The following PPA2 variants were observed in gnomAD, a reference collection of about 807,000 sequenced individuals.
PPA2 encodes the protein inorganic pyrophosphatase 2.
In PPA2, 48 loss-of-function variants were observed where a neutral mutation model predicts 49.5. That is an observed-to-expected ratio of 0.97 (90% CI 0.77 to 1.23). The LOEUF is 1.23. Ranked by LOEUF, PPA2 falls within the 50% of genes most tolerant of loss-of-function variation. The pLI is 0.00. For missense variants in PPA2, 429 were observed against 410.1 expected, an observed-to-expected ratio of 1.05 and a Z score of -0.40; for synonymous variants, 131 against 139.9, an observed-to-expected ratio of 0.94 and a Z score of 0.45.
chr4:105,386,166 C>G (rs2110375289), intron 10 of PPA2, among the ~76,000 whole-genome samples: 1 of 152,236 alleles, frequency 6.6e-6, no homozygotes, highest in South Asian at 2.1e-4. Context: ...CGGGAAGGAG[C>G]TCCCATGCTG....
chr4:105,451,816 T>C (rs560986178), intron 3 of PPA2, among the ~76,000 whole-genome samples: 1 of 152,348 alleles, frequency 6.6e-6, no homozygotes, highest in Non-Finnish European at 1.5e-5. Flanking sequence ...TCGTAATCAC[T>C]AAGAGCTTAT....
intron 3 of PPA2, among the ~76,000 whole-genome samples, chr4:105,451,091 A>G (rs561196179): frequency 1.3e-5 from 2 of 152,304 alleles, no homozygotes; most frequent in African/African-American, 4.8e-5. Context: ...ATTAAAAAAA[A>G]GAAAGTTTCC....
intron 6 of PPA2, among the ~76,000 whole-genome samples, chr4:105,436,338 C>T (rs959699672): frequency 1.3e-5 from 2 of 152,052 alleles, no homozygotes; most frequent in African/African-American, 2.4e-5. Flanking sequence ...GAGGGAAAAA[C>T]ATCCCATGCT....
At chr4:105,425,768 C>T (rs1723477531) in intron 6 of PPA2, among the ~76,000 whole-genome samples, 1 of 143,138 alleles carries the variant, frequency 7.0e-6, no homozygotes. Context: ...ACACACCCAT[C>T]AGAATAAACA....
chr4:105,464,412 C>G (rs937706529), intron 1 of PPA2, among the ~76,000 whole-genome samples: 6 of 152,178 alleles, frequency 3.9e-5, no homozygotes, highest in African/African-American at 1.4e-4. Context: ...GTAGAAGGGA[C>G]TTGCCTTGTC....
At chr4:105,442,732 A>G (rs1054578506) in intron 5 of PPA2, among the ~76,000 whole-genome samples, 2 of 152,234 alleles carry the variant, frequency 1.3e-5, no homozygotes, top group African/African-American at 2.4e-5. Context: ...AGGTCTGAAT[A>G]ATGATGGTAT....
At chr4:105,432,293 TTTG>T in intron 6 of PPA2, among the ~76,000 whole-genome samples, 1 of 152,310 alleles carries the variant, frequency 6.6e-6, no homozygotes, top group South Asian at 2.1e-4. Context: ...TACTTACGTT[TTTG>T]TGTTTAACTA....
chr4:105,415,933 G>GGT (rs928628898), intron 7 of PPA2, among the ~76,000 whole-genome samples: 3 of 152,182 alleles, frequency 2.0e-5, no homozygotes, highest in South Asian at 2.1e-4. Flanking sequence ...TGGAGTGACA[G>GGT]GTGTGTGTGA....
intron 9 of PPA2, among the ~76,000 whole-genome samples, chr4:105,394,373 C>CAAAAAAAAA (rs34736301): frequency 5.2e-5 from 5 of 96,860 alleles, no homozygotes; most frequent in Admixed American, 1.2e-4. Context: ...GATTCCATTT[C>CAAAAAAAAA]AAAAAAAAAA....
intron 1 of PPA2, among the ~76,000 whole-genome samples, chr4:105,467,979 T>C (rs770007791): frequency 2.6e-5 from 4 of 152,214 alleles, no homozygotes; most frequent in African/African-American, 7.2e-5. Context: ...TGGGGAATCA[T>C]AAACAGCGTC....
At chr4:105,391,723 A>G (rs1430166505) in intron 9 of PPA2, among the ~76,000 whole-genome samples, 1 of 152,192 alleles carries the variant, frequency 6.6e-6, no homozygotes, top group Admixed American at 6.5e-5. Flanking sequence ...AGGTTTGGAC[A>G]CATTGTTTAA....
chr4:105,399,792 C>T (rs771393437), intron 7 of PPA2, among the ~76,000 whole-genome samples: 1 of 152,152 alleles, frequency 6.6e-6, no homozygotes. Context: ...CCTTTATCCA[C>T]GGTTTTGTTT....
intron 7 of PPA2, among the ~76,000 whole-genome samples, chr4:105,421,495 T>C (rs1359820792): frequency 3.3e-5 from 5 of 152,194 alleles, no homozygotes; most frequent in African/African-American, 4.8e-5. Flanking sequence ...TTTTAGATGG[T>C]AAATATGAAA....
At chr4:105,442,425 T>C (rs555601535) in intron 5 of PPA2, among the ~76,000 whole-genome samples, 6 of 152,272 alleles carry the variant, frequency 3.9e-5, no homozygotes, top group East Asian at 1.9e-4. Flanking sequence ...ATATATTTGA[T>C]TGGGGAGGTC....
chr4:105,412,514 C>T (rs2110252711), intron 7 of PPA2, among the ~76,000 whole-genome samples: 1 of 152,230 alleles, frequency 6.6e-6, no homozygotes, highest in South Asian at 2.1e-4. Context: ...AGAGCTTCTG[C>T]ACAGCAAAAG....
At chr4:105,387,942 G>C (rs1237169246) in intron 9 of PPA2, among the ~76,000 whole-genome samples, 2 of 151,818 alleles carry the variant, frequency 1.3e-5, no homozygotes, top group East Asian at 3.8e-4. Flanking sequence ...CTGGTCCTGT[G>C]AAGAAACTAC....
chr4:105,472,714 T>C (rs1238669528), intron 1 of PPA2, among the ~76,000 whole-genome samples: 2 of 152,194 alleles, frequency 1.3e-5, no homozygotes, highest in East Asian at 3.9e-4. Context: ...CTAGTTGCAT[T>C]ATAATCACAC....
chr4:105,411,359 A>G (rs1722748940), intron 7 of PPA2, among the ~76,000 whole-genome samples: 8 of 152,242 alleles, frequency 5.3e-5, no homozygotes, highest in Admixed American at 5.2e-4. Context: ...AAGAAGAGCT[A>G]ACTATCCTAA....
intron 5 of PPA2, among the ~76,000 whole-genome samples, chr4:105,439,782 C>G (rs1346751065): frequency 1.3e-5 from 2 of 151,218 alleles, no homozygotes; most frequent in Non-Finnish European, 2.9e-5. Context: ...CTGTGCTGCA[C>G]CCATTAACTC....
Sources: allele counts gnomAD v4.1 joint callset (sites outside exome capture counted in the v4.1 genomes callset), GRCh38; gene constraint gnomAD v4.1.1; transcripts MANE v1.5; gene names NCBI Gene and HGNC (gene_info 2026-07-23, HGNC 2026-07-21).